PCDH15: variants seen among roughly 807,000 people sequenced by gnomAD.
PCDH15 encodes protocadherin-15.
PCDH15 carries 129 observed loss-of-function variants against 178.5 expected under a neutral mutation model. The observed-to-expected ratio is 0.72, with a 90% CI of 0.63 to 0.84. The LOEUF is 0.84. Among genes scored for constraint, PCDH15 ranks in the 40% least tolerant of loss-of-function variants. The pLI is 0.00. For synonymous variants in PCDH15, 800 were observed against 732.0 expected (o/e 1.09, Z -1.50); for missense variants, 2,230 against 2,099.9 (o/e 1.06, Z -1.21).
chr10:54,927,351 C>A (rs1214634233), intron 2 of PCDH15, among the ~76,000 whole-genome samples: 1 of 151,802 alleles, frequency 6.6e-6, no homozygotes, highest in Non-Finnish European at 1.5e-5. Context: ...ATTTTGTGTC[C>A]AATTATGCAA....
At chr10:55,329,002 C>T (rs1490101890) in intron 2 of PCDH15, among the ~76,000 whole-genome samples, 4 of 131,118 alleles carry the variant, frequency 3.1e-5, no homozygotes, top group African/African-American at 1.1e-4. Context: ...ATTCCATTTT[C>T]GTGTGTGTGT....
chr10:54,288,657 C>A (rs528152461), intron 8 of PCDH15, among the ~76,000 whole-genome samples: 1 of 152,190 alleles, frequency 6.6e-6, no homozygotes, highest in Admixed American at 6.5e-5. Flanking sequence ...GACACTCCCG[C>A]CCAAATACTG....
At chr10:54,427,452 A>G (rs1210177059) in intron 3 of PCDH15, among the ~76,000 whole-genome samples, 1 of 151,186 alleles carries the variant, frequency 6.6e-6, no homozygotes, top group Non-Finnish European at 1.5e-5. Flanking sequence ...CTAACTTTGT[A>G]TTTTTAGTAG....
intron 2 of PCDH15, among the ~76,000 whole-genome samples, chr10:54,540,676 G>A (rs867857982): frequency 2.6e-5 from 4 of 152,072 alleles, no homozygotes; most frequent in African/African-American, 9.7e-5. Flanking sequence ...GCATTACCCT[G>A]ATACCAAAAC....
At chr10:54,204,597 A>C (rs1208271189) in intron 10 of PCDH15, among the ~76,000 whole-genome samples, 1 of 82,446 alleles carries the variant, frequency 1.2e-5, no homozygotes, top group Admixed American at 1.2e-4. Flanking sequence ...TTCAATAAAA[A>C]TGTTACTAAA....
At chr10:54,758,521 T>C (rs142383169) in intron 1 of PCDH15, among the ~76,000 whole-genome samples, 4 of 152,334 alleles carry the variant, frequency 2.6e-5, no homozygotes, top group East Asian at 3.9e-4. Flanking sequence ...AACTCCATCA[T>C]AAATCGAGCA....
chr10:54,262,105 C>T (rs2384426), intron 8 of PCDH15, among the ~76,000 whole-genome samples: 103,781 of 151,806 alleles, frequency 0.68, 36,477 homozygotes, highest in Middle Eastern at 0.76. Flanking sequence ...TCTACGACCC[C>T]CATAGATCTT....
chr10:54,773,708 C>T (rs1278454374), intron 1 of PCDH15, among the ~76,000 whole-genome samples: 2 of 152,132 alleles, frequency 1.3e-5, no homozygotes, highest in African/African-American at 4.8e-5. Flanking sequence ...GGTCAATAAC[C>T]TGCCCTTTTC....
chr10:54,937,729 T>C (rs1837943178), intron 2 of PCDH15, among the ~76,000 whole-genome samples: 1 of 152,024 alleles, frequency 6.6e-6, no homozygotes, highest in African/African-American at 2.4e-5. Flanking sequence ...AAATTACTAC[T>C]ACAGAAAATA....
chr10:53,995,460 G>T, intron 21 of PCDH15, 189 bp downstream of exon 21: 1 of 988,310 alleles, frequency 1.0e-6, no homozygotes, highest in Non-Finnish European at 1.5e-6. Context: ...TCTTTGTCTA[G>T]GTTCAATAAT....
At chr10:54,392,609 A>C (rs1288218424) in intron 3 of PCDH15, among the ~76,000 whole-genome samples, 1 of 151,936 alleles carries the variant, frequency 6.6e-6, no homozygotes, top group Non-Finnish European at 1.5e-5. Context: ...CTCCAAAAAA[A>C]AATCTGTGGC....
chr10:54,179,247 G>C (rs2047740132), intron 13 of PCDH15, among the ~76,000 whole-genome samples: 1 of 151,970 alleles, frequency 6.6e-6, no homozygotes, highest in South Asian at 2.1e-4. Context: ...CATAAAAAAA[G>C]GATAAGTTCA....
At chr10:54,584,725 C>T (rs535778409) in intron 2 of PCDH15, among the ~76,000 whole-genome samples, 1 of 152,200 alleles carries the variant, frequency 6.6e-6, no homozygotes, top group Non-Finnish European at 1.5e-5. Flanking sequence ...TTCAGTATCT[C>T]TCTGCTGTGT....
At chr10:55,342,015 A>G (rs1277462335) in intron 2 of PCDH15, among the ~76,000 whole-genome samples, 1 of 150,494 alleles carries the variant, frequency 6.6e-6, no homozygotes, top group East Asian at 1.9e-4. Context: ...GAGCACTAGT[A>G]GAACAGATAT....
intron 21 of PCDH15, among the ~76,000 whole-genome samples, chr10:53,978,715 C>G (rs994560860): frequency 2.7e-5 from 4 of 147,844 alleles, no homozygotes; most frequent in African/African-American, 9.9e-5. Context: ...AGCTTTTATA[C>G]TCTGCTTCCT....
intron 2 of PCDH15, among the ~76,000 whole-genome samples, chr10:54,994,731 C>A (rs1277654362): frequency 2.0e-5 from 3 of 152,046 alleles, no homozygotes; most frequent in Non-Finnish European, 4.4e-5. Flanking sequence ...ACTTCATATA[C>A]AATAGCCATT....
At chr10:54,951,204 C>G (rs1838329004) in intron 2 of PCDH15, among the ~76,000 whole-genome samples, 1 of 151,734 alleles carries the variant, frequency 6.6e-6, no homozygotes. Context: ...GAAAAATTAC[C>G]CTGTGTTCCT....
intron 11 of PCDH15, among the ~76,000 whole-genome samples, chr10:54,193,118 T>C (rs1014456012): frequency 1.3e-5 from 2 of 152,202 alleles, no homozygotes; most frequent in Non-Finnish European, 2.9e-5. Context: ...AGTTGAATTA[T>C]AAGTAGTGTT....
At chr10:55,380,277 A>G (rs1262540579) in intron 2 of PCDH15, among the ~76,000 whole-genome samples, 1 of 152,144 alleles carries the variant, frequency 6.6e-6, no homozygotes, top group Non-Finnish European at 1.5e-5. Context: ...TAGGGAAAGA[A>G]ATATGTGAAA....
Sources: gnomAD v4.1 joint callset for allele counts (sites outside exome capture counted in the v4.1 genomes callset) on GRCh38, gnomAD v4.1.1 for gene constraint, MANE v1.5 for transcripts, NCBI Gene and HGNC (gene_info 2026-07-23, HGNC 2026-07-21) for gene names.